ANKS1B: variants seen among roughly 807,000 people sequenced by gnomAD.
ANKS1B encodes the protein ankyrin repeat and sterile alpha motif domain-containing protein 1B.
In ANKS1B, 36 loss-of-function variants were observed where a neutral mutation model predicts 148.3. That is an observed-to-expected ratio of 0.24 (90% CI 0.19 to 0.32). The LOEUF is 0.32. ANKS1B is among the 10% of genes least tolerant of loss of function. The pLI, the probability that ANKS1B is intolerant of heterozygous loss-of-function variation, is 1.00. For missense variants in ANKS1B, 1,157 were observed against 1,542.6 expected (o/e 0.75, Z 4.19); for synonymous variants, 542 against 560.8 (o/e 0.97, Z 0.47).
intron 17 of ANKS1B, among the ~76,000 whole-genome samples, chr12:98,989,298 T>C (rs1344604438): frequency 1.3e-5 from 2 of 152,190 alleles, no homozygotes; most frequent in Non-Finnish European, 1.5e-5. Flanking sequence ...TGGTAGGAGA[T>C]AAGGATCCAA....
At chr12:99,340,461 C>T (rs2089714534) in intron 12 of ANKS1B, among the ~76,000 whole-genome samples, 1 of 152,092 alleles carries the variant, frequency 6.6e-6, no homozygotes, top group South Asian at 2.1e-4. Context: ...CATCATTAGG[C>T]AATTCCATCA....
chr12:99,386,043 ATTATCCGAG>A (rs2093846587), intron 12 of ANKS1B, among the ~76,000 whole-genome samples: 1 of 152,210 alleles, frequency 6.6e-6, no homozygotes, highest in Admixed American at 6.5e-5. Context: ...TCAACTCCTG[ATTATCCGAG>A]TTAATAAAAT....
chr12:99,774,094 G>T (rs2063438953), intron 7 of ANKS1B, among the ~76,000 whole-genome samples: 1 of 152,032 alleles, frequency 6.6e-6, no homozygotes, highest in Non-Finnish European at 1.5e-5. Flanking sequence ...TTTGGACAAT[G>T]ATTTCTTGGA....
In ANKS1B at chr12:99,019,043, C is replaced by T. The variant is rs1258706937; in HGVS notation, c.2778+34114G>A. Among the ~76,000 whole-genome samples the T allele has an allele frequency of 9.9e-5, 15 of 152,260 alleles. 1 individual carries two copies. Among genetic ancestry groups the T allele is most frequent in the Admixed American group, 3.9e-4 (6 of 15,288 alleles). On this transcript the variant is annotated intron_variant, in intron 17 of 26. Coordinates refer to ENST00000683438, the MANE Select transcript of ANKS1B (RefSeq NM_001352186.2). ...CTGAATGTAATCATAGTGAAGCCAA[C>T]GTTATGTGTCATATGTCACCTGTGC...
At chr12:99,174,879 T>C (rs2153837211) in intron 14 of ANKS1B, among the ~76,000 whole-genome samples, 1 of 152,310 alleles carries the variant, frequency 6.6e-6, no homozygotes, top group East Asian at 1.9e-4. Flanking sequence ...ATTGAATTCC[T>C]CTTCTTGCTT....
intron 12 of ANKS1B, among the ~76,000 whole-genome samples, chr12:99,397,660 T>C (rs2152568795): frequency 6.6e-6 from 1 of 152,294 alleles, no homozygotes; most frequent in African/African-American, 2.4e-5. Flanking sequence ...TTATGTTCTT[T>C]GTGTATTTCC....
chr12:98,947,007 G>A (rs1470508649), intron 17 of ANKS1B, among the ~76,000 whole-genome samples: 2 of 151,090 alleles, frequency 1.3e-5, no homozygotes, highest in Non-Finnish European at 2.9e-5. Context: ...GAGCATTTGT[G>A]GATATTTGGA....
At chr12:99,661,372 T>C (rs957722087) in intron 8 of ANKS1B, among the ~76,000 whole-genome samples, 4 of 152,178 alleles carry the variant, frequency 2.6e-5, no homozygotes, top group Admixed American at 1.3e-4. Flanking sequence ...TTAGAAGGTA[T>C]ATAAGCTCTG....
Position 99,399,811 on chromosome 12 carries a change from G to A in ANKS1B, c.1576C>T (p.Pro526Ser). ...KNIVKVIRPQ[P>S]KQRTSIVSSL... ...GACACAATGGATGTTCGCTGTTTAG[G>A]CTAAAATAAATGAGCATGACGAGAG... Residue 526 changes from proline to serine, a missense_variant and splice_region_variant, in exon 12 of 27, where the codon CCT becomes TCT. Pro to Ser is a moderately conservative substitution (Grantham distance 74). Coordinates refer to ENST00000683438, the MANE Select transcript of ANKS1B (RefSeq NM_001352186.2). The A allele has an allele frequency of 1.2e-6, 2 of 1,613,136 alleles. No individual in the cohort carries two copies. The highest frequency in any genetic ancestry group is 1.7e-6 in the Non-Finnish European group (2 of 1,179,296).
chr12:99,065,874 T>C (rs1401545468), intron 16 of ANKS1B, among the ~76,000 whole-genome samples: 1 of 152,158 alleles, frequency 6.6e-6, no homozygotes, highest in Non-Finnish European at 1.5e-5. Flanking sequence ...TATAGTCTGT[T>C]AGAAGGTGAT....
chr12:99,017,552 C>T (rs2099943275), intron 17 of ANKS1B, among the ~76,000 whole-genome samples: 1 of 152,088 alleles, frequency 6.6e-6, no homozygotes, highest in East Asian at 1.9e-4. Context: ...TCAATTGATC[C>T]TATGGCCTCA....
At chr12:98,928,222 G>A (rs2544100) in intron 17 of ANKS1B, among the ~76,000 whole-genome samples, 64,743 of 150,884 alleles carry the variant, frequency 0.43, 16,832 homozygotes, top group African/African-American at 0.73. Context: ...ACCACAAACT[G>A]TTGAAACCAA....
Position 98,745,774 on chromosome 12 carries a change from C to A in ANKS1B, c.3823G>T (p.Gly1275Cys). The A allele has an allele frequency of 6.2e-7, 1 of 1,613,798 alleles. No homozygotes were observed. The highest frequency in any genetic ancestry group is 1.3e-5 in the African/African-American group (1 of 75,020). The change falls in exon 27 of 27, where the codon GGC (glycine) becomes TGC (cysteine). Residue 1275 changes from glycine to cysteine, a missense_variant. Physicochemically the swap from Gly to Cys is radical, Grantham distance 159. Around this residue, in one of 6 missense-constraint regions of ANKS1B, gnomAD observed 46 missense variants for 62.0 expected, o/e 0.74. Transcript: ENST00000683438. ...IVEPGQEAKR[G>C]INTKYETTIF is the part of the protein sequence containing the mutation. ...GTGGTTTCATACTTGGTATTAATGC[C>A]CCTCTTGGCTTCTTGGCCCGGCTCC...
chr12:98,958,772 T>G (rs1488265671), intron 17 of ANKS1B, among the ~76,000 whole-genome samples: 1 of 152,242 alleles, frequency 6.6e-6, no homozygotes, highest in Non-Finnish European at 1.5e-5. Flanking sequence ...ACTGCTTATG[T>G]GTTTAATTTA....
chr12:99,698,141 T>C (rs928878359), intron 8 of ANKS1B, among the ~76,000 whole-genome samples: 4 of 152,054 alleles, frequency 2.6e-5, no homozygotes, highest in African/African-American at 7.2e-5. Flanking sequence ...CAAAACTAAA[T>C]CAACAAGAAT....
At chr12:99,238,765 G>A (rs1347126222) in intron 14 of ANKS1B, among the ~76,000 whole-genome samples, 2 of 152,154 alleles carry the variant, frequency 1.3e-5, no homozygotes, top group Non-Finnish European at 2.9e-5. Context: ...GTGATACCCA[G>A]GCAAACAGGG....
At chr12:99,489,661 A>C (rs2096537226) in intron 10 of ANKS1B, among the ~76,000 whole-genome samples, 1 of 152,236 alleles carries the variant, frequency 6.6e-6, no homozygotes, top group South Asian at 2.1e-4. Context: ...TTCAGTTGAA[A>C]TGATAATCCA....
At chr12:99,629,907 A>G (rs1457230455) in intron 9 of ANKS1B, among the ~76,000 whole-genome samples, 1 of 152,170 alleles carries the variant, frequency 6.6e-6, no homozygotes, top group Non-Finnish European at 1.5e-5. Flanking sequence ...TATATGACTG[A>G]CAAAAGGTAC....
intron 14 of ANKS1B, among the ~76,000 whole-genome samples, chr12:99,197,146 G>C (rs1448690183): frequency 1.3e-5 from 2 of 152,256 alleles, no homozygotes; most frequent in East Asian, 3.9e-4. Context: ...TACTATGATT[G>C]GTAGCCTGAT....
Sources: allele counts gnomAD v4.1 joint callset (sites outside exome capture counted in the v4.1 genomes callset), GRCh38; gene constraint gnomAD v4.1.1; regional missense constraint gnomAD v4.1.1; transcripts MANE v1.5; gene names NCBI Gene and HGNC (gene_info 2026-07-23, HGNC 2026-07-21).